Variants in ANKRD13A observed in about 807,000 individuals in gnomAD.
ANKRD13A encodes ankyrin repeat domain 13A.
ANKRD13A carries 48 observed loss-of-function variants against 81.3 expected under a neutral mutation model. That is an observed-to-expected ratio of 0.59 (90% CI 0.47 to 0.75). ANKRD13A has a LOEUF of 0.75. ANKRD13A is among the 30% of genes least tolerant of loss of function. The probability of loss-of-function intolerance (pLI) is 0.00; values close to 1 mark genes in which losing one functional copy is unlikely to be tolerated. For synonymous variants in ANKRD13A, 230 were observed against 270.1 expected, an observed-to-expected ratio of 0.85 and a Z score of 1.45; for missense variants, 612 against 734.0, an observed-to-expected ratio of 0.83 and a Z score of 1.92.
intron 12 of ANKRD13A, 105 bp from the exon 13 acceptor site, chr12:110,033,692 T>G (rs907483672): frequency 4.9e-5 from 54 of 1,112,422 alleles, no homozygotes; most frequent in Non-Finnish European, 1.0e-5. Context: ...CCTTGATTGT[T>G]ATAATTTTGA....
intron 8 of ANKRD13A, 142 bp downstream of exon 8, chr12:110,025,965 T>A: frequency 1.2e-5 from 2 of 166,720 alleles, no homozygotes; most frequent in Non-Finnish European, 2.4e-5. Context: ...TCTCTCTCTC[T>A]TTTTTTTTTT....
chr12:110,011,024 G>T (rs932947630), intron 1 of ANKRD13A, among the ~76,000 whole-genome samples: 1 of 151,992 alleles, frequency 6.6e-6, no homozygotes, highest in Non-Finnish European at 1.5e-5. Context: ...AGGATCACTT[G>T]AGTCCAAGAG....
rs777243670 is a variant in ANKRD13A at position 110,036,397 on chromosome 12, G to A, written c.1577+69G>A. On this transcript the variant is annotated intron_variant, in intron 14 of 14. Transcript: ENST00000261739. This position sits in a 1 kb window ranked among gnomAD's most constrained non-coding sequence, Gnocchi z 4.6. ...GGCCTGGACACAGGCGAGCAGACGC[G>A]TGGCACTGTGCATTTGGTCCTCAGG... 153 of 1,487,744 alleles carry A rather than the reference G, an allele frequency of 1.0e-4. No individual in the cohort carries two copies. The highest frequency in any genetic ancestry group is 1.4e-4 in the Non-Finnish European group (144 of 1,066,078). 92.2% of individuals were successfully genotyped at this position (1,487,744 alleles called of 1,614,324 possible). A position where few individuals can be genotyped will look rare whatever the true frequency, so the allele number is the denominator to read the frequency against.
At chr12:110,035,082 C>T (rs567061203) in intron 13 of ANKRD13A, among the ~76,000 whole-genome samples, 28 of 152,174 alleles carry the variant, frequency 1.8e-4, no homozygotes, top group African/African-American at 5.3e-4. Context: ...TTCAGTTTTC[C>T]GAGCCAGACC....
At chr12:110,019,058 A>G (rs1890939092) in intron 5 of ANKRD13A, 81 bp from the exon 6 acceptor site, 5 of 1,413,768 alleles carry the variant, frequency 3.5e-6, no homozygotes, top group Non-Finnish European at 4.8e-6. Context: ...ATGAAAGATG[A>G]TACATTTTAA....
Position 110,036,124 on chromosome 12 carries a change from T to C in ANKRD13A, c.1510-137T>C, listed in dbSNP as rs1892032269. 2 of 799,234 alleles carry C rather than the reference T, an allele frequency of 2.5e-6. No individual in the cohort carries two copies. The highest frequency in any genetic ancestry group is 5.1e-5 in the East Asian group (2 of 39,260). 49.5% of individuals were successfully genotyped at this position (799,234 alleles called of 1,614,324 possible). On this transcript the variant is annotated intron_variant, in intron 13 of 14. Transcript: ENST00000261739. The surrounding 1 kb of genome is among the most constrained non-coding windows in gnomAD (Gnocchi z 4.6). ...GTTTTTGAGGTAACCCAAGTCCCTG[T>C]TAGCTTTTCACACAGCACTATTGAT...
chr12:110,000,433 G>T (rs10849627), intron 1 of ANKRD13A, among the ~76,000 whole-genome samples: 43,274 of 152,096 alleles, frequency 0.28, 9,322 homozygotes, highest in African/African-American at 0.61. Flanking sequence ...TGAGAATCAC[G>T]GGTTCTCAGG....
chr12:110,013,947 T>TA (rs1218833907), intron 3 of ANKRD13A, among the ~76,000 whole-genome samples: 2 of 152,168 alleles, frequency 1.3e-5, no homozygotes, highest in African/African-American at 4.8e-5. Flanking sequence ...AGGTATCACT[T>TA]ACTATGCAGG....
At chr12:110,021,144 G>C in intron 6 of ANKRD13A, 1 of 457,132 alleles carries the variant, frequency 2.2e-6, no homozygotes, top group Non-Finnish European at 4.4e-6. Context: ...TTTTGCAACT[G>C]ACAGTGTGTA....
In ANKRD13A at chr12:110,013,254, C is replaced by T. The variant is rs1191451053; in HGVS notation, c.354+5C>T. The T allele has an allele frequency of 2.5e-6, 4 of 1,613,736 alleles. No homozygotes were observed. The highest frequency in any genetic ancestry group is 3.4e-6 in the Non-Finnish European group (4 of 1,179,904). ...CTGCTCCAAAAAATTCTCGAGGTAT[C>T]CATGAAAATGTGGCCAGGCCATAAT... On this transcript the variant is annotated splice_donor_5th_base_variant and intron_variant, in intron 3 of 14. Transcript: ENST00000261739.
intron 7 of ANKRD13A, among the ~76,000 whole-genome samples, chr12:110,024,444 C>G (rs749193512): frequency 1.3e-5 from 2 of 151,982 alleles, no homozygotes; most frequent in South Asian, 4.1e-4. Context: ...GATTAGACTT[C>G]ACATGTGTTC....
intron 2 of ANKRD13A, among the ~76,000 whole-genome samples, chr12:110,012,818 A>G (rs536918161): frequency 4.9e-4 from 75 of 152,338 alleles, no homozygotes; most frequent in African/African-American, 1.8e-3. Context: ...ACATATAACC[A>G]CAGTTACATG....
intron 4 of ANKRD13A, among the ~76,000 whole-genome samples, chr12:110,016,636 G>T (rs985190403): frequency 6.6e-6 from 1 of 151,984 alleles, no homozygotes. Context: ...GGTCTTCCCC[G>T]CCATGCATAG....
At chr12:110,024,367 T>C (rs1189277666) in intron 7 of ANKRD13A, among the ~76,000 whole-genome samples, 2 of 151,864 alleles carry the variant, frequency 1.3e-5, no homozygotes, top group Admixed American at 6.6e-5. Context: ...CAGGTACCAG[T>C]TGTTCTGGTA....
rs577498777 is a variant in ANKRD13A, at chr12:110,019,200, C to A, written c.606C>A (p.Phe202Leu). 1.2e-6 allele frequency: 2 copies of A among 1,613,970 alleles called. No homozygotes were observed. Among genetic ancestry groups the A allele is most frequent in the Non-Finnish European group, 1.7e-6 (2 of 1,179,878 alleles). Residue 202 changes from phenylalanine (F) to leucine (L), a missense_variant, in exon 6 of 15, where the codon TTC (phenylalanine) becomes TTA (leucine). Physicochemically the swap from Phe to Leu is conservative, Grantham distance 22. Transcript: ENST00000261739. Reference protein sequence around the residue: ...HDDKVVTTERFDLSQEMERLT... With the variant: ...HDDKVVTTERLDLSQEMERLT... ...ACAAAGTGGTCACCACCGAACGCTTCGACCTTTCCCAAGAAATGGAGCGCC... is the reference window on the plus strand; with the variant it reads ...ACAAAGTGGTCACCACCGAACGCTTAGACCTTTCCCAAGAAATGGAGCGCC...
chr12:110,037,549 A>C lies in ANKRD13A; in HGVS notation c.1768A>C (p.Lys590Gln). ...AGTCTTACAGCTGTCACTCACTGAC[A>C]AATAGACCTTTCAGCCTGTGAGCCT... ...QQVLQLSLTD[K>Q] is the part of the protein sequence containing the mutation. Residue 590 changes from lysine (K) to glutamine (Q), a missense_variant, in exon 15 of 15, where the codon AAA (lysine) becomes CAA (glutamine). Physicochemically the swap from Lys to Gln is moderately conservative, Grantham distance 53. Transcript: ENST00000261739. 6.2e-7 allele frequency: 1 copy of C among 1,612,926 alleles called. No individual in the cohort carries two copies. The highest frequency in any genetic ancestry group is 8.5e-7 in the Non-Finnish European group (1 of 1,179,826).
At chr12:110,025,617 C>T in intron 7 of ANKRD13A, 125 bp from the exon 8 acceptor site, 2 of 696,520 alleles carry the variant, frequency 2.9e-6, no homozygotes, top group Non-Finnish European at 5.0e-6. Flanking sequence ...GATAGTTAAC[C>T]ATTTCTCATT....
intron 1 of ANKRD13A, among the ~76,000 whole-genome samples, chr12:110,011,532 C>A (rs1890525100): frequency 6.6e-6 from 1 of 152,180 alleles, no homozygotes; most frequent in African/African-American, 2.4e-5. Flanking sequence ...TGGTGGGAAT[C>A]CAGCTAGAGA....
rs1032075941 is a variant in ANKRD13A, at chr12:110,030,640, G to A, written c.1235-5G>A. The A allele has an allele frequency of 3.8e-6, 6 of 1,563,288 alleles. No individual in the cohort carries two copies. The highest frequency in any genetic ancestry group is 1.4e-5 in the African/African-American group (1 of 72,648). On this transcript the variant is annotated splice_region_variant and splice_polypyrimidine_tract_variant and intron_variant, in intron 11 of 14. Coordinates refer to ENST00000261739, the MANE Select transcript of ANKRD13A (RefSeq NM_033121.2). ...ACTTATAAAAGTTTTTATTTTGTTTGTTAGAAATTCCCTTGTTTCATGTCT... is the reference window on the plus strand; with the variant it reads ...ACTTATAAAAGTTTTTATTTTGTTTATTAGAAATTCCCTTGTTTCATGTCT...
Sources: gnomAD v4.1 joint callset for allele counts (sites outside exome capture counted in the v4.1 genomes callset) on GRCh38, gnomAD v4.1.1 for gene constraint, Gnocchi (gnomAD v3.1) non-coding constraint, MANE v1.5 for transcripts, NCBI Gene and HGNC (gene_info 2026-07-23, HGNC 2026-07-21) for gene names.